Variants in MYOCOS observed in about 807,000 individuals in gnomAD.
The protein encoded by MYOCOS is myocilin opposite strand, also known as myocilin opposite strand protein.
At chr1:171,616,132 G>A (rs890831481) in intron 2 of MYOCOS, among the ~76,000 whole-genome samples, 1 of 152,212 alleles carries the variant, frequency 6.6e-6, no homozygotes, top group East Asian at 1.9e-4. Flanking sequence ...CAGGAGAATC[G>A]CTTGAACCCC....
At chr1:171,601,678 T>G (rs993401915) in intron 1 of MYOCOS, among the ~76,000 whole-genome samples, 2 of 152,032 alleles carry the variant, frequency 1.3e-5, no homozygotes, top group African/African-American at 4.8e-5. Flanking sequence ...AGGTCCTTTG[T>G]TTCAAAAGTA....
At chr1:171,617,103 C>G (rs1405420663) in intron 2 of MYOCOS, among the ~76,000 whole-genome samples, 2 of 152,110 alleles carry the variant, frequency 1.3e-5, no homozygotes, top group Non-Finnish European at 2.9e-5. Flanking sequence ...GAGCTGGCCA[C>G]ACAGCTGTGT....
intron 1 of MYOCOS, among the ~76,000 whole-genome samples, chr1:171,602,951 T>A (rs1332895423): frequency 6.6e-6 from 1 of 152,078 alleles, no homozygotes; most frequent in Non-Finnish European, 1.5e-5. Context: ...AAAAAGCAAT[T>A]GTTATGCTTG....
intron 2 of MYOCOS, among the ~76,000 whole-genome samples, chr1:171,624,564 GT>G: frequency 6.6e-6 from 1 of 152,020 alleles, no homozygotes; most frequent in Non-Finnish European, 1.5e-5. Flanking sequence ...AGCCTTCTGA[GT>G]AGCTGGGACC....
At chr1:171,604,950 T>G (rs546912507) in intron 1 of MYOCOS, among the ~76,000 whole-genome samples, 1 of 152,152 alleles carries the variant, frequency 6.6e-6, no homozygotes, top group Non-Finnish European at 1.5e-5. Flanking sequence ...CATTAGGCAT[T>G]GATGAAAAAG....
chr1:171,623,465 A>G (rs1273020271), intron 1 of MYOCOS, among the ~76,000 whole-genome samples: 4 of 152,124 alleles, frequency 2.6e-5, no homozygotes, highest in African/African-American at 9.7e-5. Context: ...GAATGGCGCC[A>G]TTAGAGAGGA....
intron 1 of MYOCOS, among the ~76,000 whole-genome samples, chr1:171,603,766 C>T (rs1208555071): frequency 6.6e-6 from 1 of 152,220 alleles, no homozygotes; most frequent in African/African-American, 2.4e-5. Flanking sequence ...AGGCCAGTGG[C>T]CTATCTCTCA....
At chr1:171,608,527 C>G (rs1652296192) in intron 1 of MYOCOS, among the ~76,000 whole-genome samples, 1 of 147,434 alleles carries the variant, frequency 6.8e-6, no homozygotes. Context: ...ACACCATTCT[C>G]CAGCCTCAGC....
upstream of MYOCOS, among the ~76,000 whole-genome samples, chr1:171,617,822 G>A (rs1269103132): frequency 6.6e-6 from 1 of 152,202 alleles, no homozygotes; most frequent in Non-Finnish European, 1.5e-5. Context: ...AAAGAGACGG[G>A]AGAATTGTTC....
rs566411801 is a variant in MYOCOS at position 171,612,137 on chromosome 1, T to C, written c.-251-2661T>C. Among the ~76,000 whole-genome samples, 230 of 151,980 alleles carry C rather than the reference T, an allele frequency of 1.5e-3. 3 individuals are homozygous for C. The highest frequency in any genetic ancestry group is 1.2e-3 in the Non-Finnish European group (79 of 67,996). On this transcript the variant is annotated intron_variant, in intron 1 of 3. Coordinates refer to the MYOCOS transcript ENST00000636697. ...CCCAGGCTGGAGTGCAGTGCAGTGG[T>C]GCAATCTCGGCTCACTGCAACCTCT...
intron 1 of MYOCOS, among the ~76,000 whole-genome samples, chr1:171,610,350 G>C (rs528528024): frequency 1.1e-3 from 164 of 152,282 alleles, no homozygotes; most frequent in African/African-American, 3.6e-3. Context: ...GCAGCTTCTA[G>C]ATGTTACAGA....
chr1:171,626,273 G>C (rs145443770), intron 2 of MYOCOS, among the ~76,000 whole-genome samples, 181 bp from the exon 3 acceptor site: 1 of 152,114 alleles, frequency 6.6e-6, no homozygotes, highest in African/African-American at 2.4e-5. Flanking sequence ...GTGGAAAGGG[G>C]GTCTCCCTAT....
chr1:171,613,963 T>G (rs1386886631), intron 1 of MYOCOS, among the ~76,000 whole-genome samples: 1 of 152,182 alleles, frequency 6.6e-6, no homozygotes, highest in Non-Finnish European at 1.5e-5. Context: ...CAGTCTTTCA[T>G]CTTCTTTCTC....
chr1:171,617,705 G>A (rs1369802388), upstream of MYOCOS, among the ~76,000 whole-genome samples: 1 of 152,188 alleles, frequency 6.6e-6, no homozygotes, highest in East Asian at 1.9e-4. Context: ...TTGTGTCTTT[G>A]TTTTGTGGTG....
intron 2 of MYOCOS, among the ~76,000 whole-genome samples, chr1:171,616,867 C>T (rs1652459139): frequency 6.6e-6 from 1 of 152,202 alleles, no homozygotes; most frequent in African/African-American, 2.4e-5. Context: ...CTTGTTATCA[C>T]AGCCATGTAG....
chr1:171,607,327 A>G (rs1302927335), intron 1 of MYOCOS, among the ~76,000 whole-genome samples: 1 of 152,198 alleles, frequency 6.6e-6, no homozygotes, highest in African/African-American at 2.4e-5. Flanking sequence ...CAGCATCTGT[A>G]CTTATCAGAA....
intron 1 of MYOCOS, among the ~76,000 whole-genome samples, chr1:171,608,926 C>T (rs1339210730): frequency 6.6e-6 from 1 of 152,154 alleles, no homozygotes; most frequent in East Asian, 1.9e-4. Flanking sequence ...TGCACATAGC[C>T]TCCACTATAG....
chr1:171,601,035 G>A (rs1344316678), exon 1 of MYOCOS: 1 of 152,344 alleles, frequency 6.6e-6, no homozygotes, highest in Non-Finnish European at 1.5e-5. Flanking sequence ...ATCCCTGCAG[G>A]GGACTCCAGC....
intron 2 of MYOCOS, among the ~76,000 whole-genome samples, chr1:171,615,764 GC>G (rs944335522): frequency 6.6e-6 from 1 of 152,234 alleles, no homozygotes; most frequent in African/African-American, 2.4e-5. Flanking sequence ...AGTGATGTGA[GC>G]CCTTAAAAGG....
Sources: gnomAD v4.1 joint callset for allele counts (sites outside exome capture counted in the v4.1 genomes callset) on GRCh38, gnomAD v4.1.1 for gene constraint, MANE v1.5 for transcripts, NCBI Gene and HGNC (gene_info 2026-07-23, HGNC 2026-07-21) for gene names.